Variants in ERBB4 observed in about 807,000 individuals in gnomAD.
ERBB4 encodes receptor tyrosine-protein kinase erbB-4.
Under a neutral mutation model 158.0 loss-of-function variants are expected in ERBB4, and 42 were observed. The ratio of observed to expected loss-of-function variants is 0.27; its 90% CI spans 0.21 to 0.34. The LOEUF is 0.34. Ranked by LOEUF, ERBB4 falls within the 10% of genes least tolerant of loss-of-function variation. ERBB4 has a pLI of 1.00. For missense variants in ERBB4, 1,333 were observed against 1,624.1 expected (o/e 0.82, Z 3.08); for synonymous variants, 583 against 558.7 (o/e 1.04, Z -0.61).
intron 4 of ERBB4, among the ~76,000 whole-genome samples, chr2:211,771,202 T>C (rs570048705): frequency 1.3e-5 from 2 of 152,342 alleles, no homozygotes; most frequent in South Asian, 2.1e-4. Flanking sequence ...ATACCCACGA[T>C]TGGAAACCTT....
chr2:211,834,161 A>G (rs1386265392), intron 3 of ERBB4, among the ~76,000 whole-genome samples: 1 of 152,198 alleles, frequency 6.6e-6, no homozygotes, highest in Non-Finnish European at 1.5e-5. Context: ...AAGATATCAG[A>G]GAAATTACCA....
intron 20 of ERBB4, among the ~76,000 whole-genome samples, chr2:211,461,714 G>A (rs535427879): frequency 6.6e-6 from 1 of 152,174 alleles, no homozygotes. Flanking sequence ...AGGCCGGCAT[G>A]CTGAACCATT....
At chr2:212,013,825 C>A (rs1177391738) in intron 2 of ERBB4, among the ~76,000 whole-genome samples, 1 of 152,172 alleles carries the variant, frequency 6.6e-6, no homozygotes, top group African/African-American at 2.4e-5. Flanking sequence ...CCCAGAAATT[C>A]CCTAGAGCCT....
chr2:211,911,915 A>C (rs1057285252), intron 3 of ERBB4, among the ~76,000 whole-genome samples: 4 of 152,046 alleles, frequency 2.6e-5, no homozygotes, highest in Non-Finnish European at 5.9e-5. Flanking sequence ...GTGACAACCA[A>C]AATGAGTGAT....
intron 1 of ERBB4, among the ~76,000 whole-genome samples, chr2:212,371,771 A>C (rs1169050632): frequency 6.6e-6 from 1 of 152,086 alleles, no homozygotes; most frequent in Non-Finnish European, 1.5e-5. Context: ...TTTGGCACTT[A>C]CTCCAAACCA....
chr2:212,364,951 T>TA (rs966381579), intron 1 of ERBB4, among the ~76,000 whole-genome samples: 1 of 151,390 alleles, frequency 6.6e-6, no homozygotes, highest in African/African-American at 2.4e-5. Flanking sequence ...ATCAGACTGC[T>TA]AACTGAATGA....
chr2:211,793,222 C>T (rs1446349239), intron 3 of ERBB4, among the ~76,000 whole-genome samples: 1 of 151,638 alleles, frequency 6.6e-6, no homozygotes, highest in Admixed American at 6.6e-5. Context: ...TCTATATGAT[C>T]GATATTATCA....
intron 3 of ERBB4, among the ~76,000 whole-genome samples, chr2:211,883,429 T>G (rs2106157057): frequency 6.6e-6 from 1 of 152,086 alleles, no homozygotes; most frequent in African/African-American, 2.4e-5. Flanking sequence ...ACATGTACCC[T>G]AAAACTTAAA....
rs1422085933 is a variant in ERBB4 at position 212,252,127 on chromosome 2, T to G, written c.83-127224A>C. ...AAAGATACGTTCCAGGTGTCTGACTTAAGCAACTAAAAGAATCTATTTGCA... is the reference window on the plus strand; with the variant it reads ...AAAGATACGTTCCAGGTGTCTGACTGAAGCAACTAAAAGAATCTATTTGCA... On this transcript the variant is annotated intron_variant, in intron 1 of 27. Coordinates refer to ENST00000342788, the MANE Select transcript of ERBB4 (RefSeq NM_005235.3). Among the ~76,000 whole-genome samples, 9 of 152,164 alleles carry G rather than the reference T, an allele frequency of 5.9e-5. No individual in the cohort carries two copies. The East Asian group carries it at 1.4e-3, about 23-fold the overall frequency.
intron 14 of ERBB4, among the ~76,000 whole-genome samples, chr2:211,668,639 A>G (rs1193527659): frequency 1.3e-5 from 2 of 152,064 alleles, no homozygotes; most frequent in African/African-American, 2.4e-5. Context: ...AGCTACTGTA[A>G]AAGACATATT....
chr2:211,879,160 C>CA (rs928440523), intron 3 of ERBB4, among the ~76,000 whole-genome samples: 1 of 151,092 alleles, frequency 6.6e-6, no homozygotes, highest in African/African-American at 2.4e-5. Flanking sequence ...AAATCCTAGA[C>CA]AAAAATGACT....
intron 20 of ERBB4, among the ~76,000 whole-genome samples, chr2:211,480,189 C>G (rs2065047780): frequency 6.6e-6 from 1 of 152,132 alleles, no homozygotes; most frequent in Non-Finnish European, 1.5e-5. Context: ...CATGCCCCTT[C>G]CTCTTGTCAT....
At chr2:211,658,382 A>T (rs999792082) in intron 15 of ERBB4, among the ~76,000 whole-genome samples, 2 of 122,060 alleles carry the variant, frequency 1.6e-5, no homozygotes, top group African/African-American at 6.2e-5. Flanking sequence ...AGTTTAAATA[A>T]AAAAAAAACA....
At chr2:211,842,111 T>C (rs902205915) in intron 3 of ERBB4, among the ~76,000 whole-genome samples, 10 of 152,024 alleles carry the variant, frequency 6.6e-5, no homozygotes, top group African/African-American at 2.4e-4. Context: ...TAAATTAAGT[T>C]GCCGATTATA....
intron 25 of ERBB4, among the ~76,000 whole-genome samples, chr2:211,408,896 C>T (rs967153266): frequency 6.6e-6 from 1 of 152,226 alleles, no homozygotes; most frequent in African/African-American, 2.4e-5. Context: ...GTGAATGTCA[C>T]AAGAATAAAA....
intron 1 of ERBB4, among the ~76,000 whole-genome samples, chr2:212,161,339 T>A (rs1157240383): frequency 6.6e-6 from 1 of 151,916 alleles, no homozygotes; most frequent in Non-Finnish European, 1.5e-5. Flanking sequence ...TACTAGAAAT[T>A]ATTACCACAC....
chr2:211,386,914 G>A lies in ERBB4; in HGVS notation c.3420C>T (p.Ser1140=), dbSNP rs150903040. ...ADPTVFAPER[S]PRGELDEEGY... is the part of the protein sequence containing the mutation. ...CTTCCTCATCCAGCTCTCCTCGTGG[G>A]CTCCGTTCTGGGGCAAACACGGTGG... The change falls in exon 27 of 28, where the codon AGC becomes AGT. Residue 1140 remains serine, a synonymous_variant. Transcript: ENST00000342788. The A allele has an allele frequency of 1.9e-6, 3 of 1,614,154 alleles. No homozygotes were observed. The highest frequency in any genetic ancestry group is 1.6e-4 in the Middle Eastern group (1 of 6,062).
chr2:212,228,733 G>A (rs968939952), intron 1 of ERBB4, among the ~76,000 whole-genome samples: 9 of 152,280 alleles, frequency 5.9e-5, no homozygotes, highest in East Asian at 1.9e-4. Flanking sequence ...GTGTGTGTCC[G>A]TATAGCACCA....
chr2:212,465,472 T>A (rs2106091415), intron 1 of ERBB4, among the ~76,000 whole-genome samples: 1 of 152,262 alleles, frequency 6.6e-6, no homozygotes, highest in South Asian at 2.1e-4. Context: ...TCTGTATAAT[T>A]TACAAAGTGT....
Sources: gnomAD v4.1 joint callset for allele counts (sites outside exome capture counted in the v4.1 genomes callset) on GRCh38, gnomAD v4.1.1 for gene constraint, MANE v1.5 for transcripts, NCBI Gene and HGNC (gene_info 2026-07-23, HGNC 2026-07-21) for gene names.